The following SLC4A5 variants were observed in gnomAD, a reference collection of about 807,000 sequenced individuals.
SLC4A5 encodes the protein electrogenic sodium bicarbonate cotransporter 4.
In SLC4A5, 96 loss-of-function variants were observed where a neutral mutation model predicts 120.4. The observed-to-expected ratio is 0.80, with a 90% CI of 0.68 to 0.94. The LOEUF (loss-of-function observed/expected upper bound fraction) is 0.94. Among genes scored for constraint, SLC4A5 ranks in the 40% least tolerant of loss-of-function variants. The pLI is 0.00. For missense variants in SLC4A5, 1,259 were observed against 1,459.5 expected (o/e 0.86, Z 2.24); for synonymous variants, 550 against 571.1 (o/e 0.96, Z 0.53).
At chr2:74,277,047 G>A (rs1379097492) in intron 8 of SLC4A5, among the ~76,000 whole-genome samples, 1 of 152,182 alleles carries the variant, frequency 6.6e-6, no homozygotes, top group Admixed American at 6.5e-5. Context: ...GGACTATGAA[G>A]TCATCCCAGT....
At chr2:74,233,702 T>A in intron 22 of SLC4A5, 139 bp from the exon 23 acceptor site, 3 of 972,252 alleles carry the variant, frequency 3.1e-6, no homozygotes, top group Non-Finnish European at 4.4e-6. Flanking sequence ...CTTAAACACC[T>A]TAGGTAGCTG....
At chr2:74,324,629 A>G (rs1420205623) in intron 5 of SLC4A5, among the ~76,000 whole-genome samples, 1 of 152,210 alleles carries the variant, frequency 6.6e-6, no homozygotes, top group Non-Finnish European at 1.5e-5. Context: ...ATTTTTAAAA[A>G]GCTGATATCT....
At chr2:74,325,529 T>C (rs1673197983) in intron 5 of SLC4A5, among the ~76,000 whole-genome samples, 1 of 152,148 alleles carries the variant, frequency 6.6e-6, no homozygotes, top group African/African-American at 2.4e-5. Flanking sequence ...CCTGGGGAAG[T>C]GTTTGGATTA....
intron 7 of SLC4A5, among the ~76,000 whole-genome samples, chr2:74,286,696 A>G (rs958335143): frequency 1.3e-5 from 2 of 152,220 alleles, no homozygotes; most frequent in African/African-American, 2.4e-5. Context: ...CATTTCAATC[A>G]TAAGTTGTCT....
chr2:74,320,087 T>C (rs1673058936), intron 5 of SLC4A5, among the ~76,000 whole-genome samples: 1 of 152,000 alleles, frequency 6.6e-6, no homozygotes, highest in East Asian at 1.9e-4. Context: ...TGAAGGAGTA[T>C]ATCAGATAAT....
intron 15 of SLC4A5, 137 bp downstream of exon 15, chr2:74,252,837 C>A: frequency 9.6e-7 from 1 of 1,042,490 alleles, no homozygotes; most frequent in Non-Finnish European, 1.4e-6. Context: ...ATCCACCTGC[C>A]TCAGCATCCC....
chr2:74,324,144 A>C (rs946452383), intron 5 of SLC4A5, among the ~76,000 whole-genome samples: 8 of 152,190 alleles, frequency 5.3e-5, no homozygotes, highest in Non-Finnish European at 1.2e-4. Context: ...TTAATGGTTA[A>C]ATCTATTTGT....
intron 6 of SLC4A5, among the ~76,000 whole-genome samples, chr2:74,309,226 A>AT (rs1247133957): frequency 1.1e-3 from 163 of 147,802 alleles, no homozygotes; most frequent in African/African-American, 3.1e-3. Flanking sequence ...GCCTGGATTC[A>AT]TTTTTTTTTT....
chr2:74,297,230 G>A (rs891191128), intron 7 of SLC4A5, among the ~76,000 whole-genome samples: 6 of 152,308 alleles, frequency 3.9e-5, no homozygotes, highest in African/African-American at 1.4e-4. Context: ...GGGTTAATGT[G>A]TATAAAGTGA....
chr2:74,262,059 C>A (rs1022824398), intron 11 of SLC4A5, 78 bp downstream of exon 11: 9 of 1,332,418 alleles, frequency 6.8e-6, no homozygotes, highest in Admixed American at 1.9e-5. Flanking sequence ...TTGTCTCCCC[C>A]ACCTATGGCA....
At chr2:74,339,698 T>A (rs1001708094) in intron 2 of SLC4A5, 1 of 152,248 alleles carries the variant, frequency 6.6e-6, no homozygotes, top group African/African-American at 2.4e-5. Context: ...CTTCTGGGTA[T>A]ACACCCAAGA....
At chr2:74,336,254 A>T (rs968305803) in intron 3 of SLC4A5, among the ~76,000 whole-genome samples, 2 of 152,108 alleles carry the variant, frequency 1.3e-5, no homozygotes, top group African/African-American at 4.8e-5. Context: ...TTTTTTGTAG[A>T]GATGAGGTCT....
intron 5 of SLC4A5, among the ~76,000 whole-genome samples, chr2:74,315,644 A>G (rs1475057547): frequency 6.6e-6 from 1 of 150,716 alleles, no homozygotes; most frequent in African/African-American, 2.4e-5. Flanking sequence ...ATGCATATAT[A>G]TATGCGCCAG....
At chr2:74,257,945 T>A (rs758556547) in intron 12 of SLC4A5, among the ~76,000 whole-genome samples, 1 of 152,166 alleles carries the variant, frequency 6.6e-6, no homozygotes, top group Non-Finnish European at 1.5e-5. Flanking sequence ...CCTTACACGT[T>A]GTGACATGTT....
chr2:74,298,693 C>T (rs1672397061), intron 7 of SLC4A5, among the ~76,000 whole-genome samples: 1 of 152,108 alleles, frequency 6.6e-6, no homozygotes, highest in East Asian at 1.9e-4. Context: ...GCTTCATACC[C>T]AAAATATATA....
intron 2 of SLC4A5, among the ~76,000 whole-genome samples, chr2:74,342,002 A>G (rs1443912598): frequency 6.6e-6 from 1 of 152,242 alleles, no homozygotes; most frequent in Non-Finnish European, 1.5e-5. Context: ...TCAAAACTAT[A>G]TAAAATTGCT....
intron 4 of SLC4A5, among the ~76,000 whole-genome samples, chr2:74,329,142 T>C (rs893402241): frequency 4.6e-5 from 7 of 152,150 alleles, no homozygotes; most frequent in African/African-American, 1.7e-4. Flanking sequence ...GAGGTGTTGG[T>C]TGTAGAAGTA....
chr2:74,327,584 C>G (rs1292190205), intron 5 of SLC4A5, among the ~76,000 whole-genome samples: 1 of 152,158 alleles, frequency 6.6e-6, no homozygotes, highest in Non-Finnish European at 1.5e-5. Flanking sequence ...AAACCAGGTA[C>G]CGTATCCAAA....
At position 74,303,974 on chromosome 2, in the gene SLC4A5, C is replaced by T. The variant is rs1573081363; in HGVS notation, c.271+515G>A. Among the ~76,000 whole-genome samples, 3 of 150,492 alleles carry T rather than the reference C, an allele frequency of 2.0e-5. No individual in the cohort carries two copies. The South Asian group carries it at 6.3e-4, about 32-fold the overall frequency. On this transcript the variant is annotated intron_variant, in intron 7 of 30. Transcript: ENST00000394019. ...ACGCCATTCTCCTGCCTCAGCCTCC[C>T]AAGTAGCTGGGACTACAGGCACCCG...
Sources: gnomAD v4.1 joint callset for allele counts (sites outside exome capture counted in the v4.1 genomes callset) on GRCh38, gnomAD v4.1.1 for gene constraint, MANE v1.5 for transcripts, NCBI Gene and HGNC (gene_info 2026-07-23, HGNC 2026-07-21) for gene names.